SLC9B1: variants seen among roughly 807,000 people sequenced by gnomAD.
SLC9B1 encodes the protein solute carrier family 9 member B1.
In SLC9B1, 32 loss-of-function variants were observed where a neutral mutation model predicts 51.7. The ratio of observed to expected loss-of-function variants is 0.62; its 90% CI spans 0.47 to 0.83. The LOEUF (loss-of-function observed/expected upper bound fraction) is 0.83. SLC9B1 is among the 40% of genes least tolerant of loss of function. SLC9B1 has a pLI of 0.00. For missense variants in SLC9B1, 406 were observed against 613.2 expected (o/e 0.66, Z 3.57); for synonymous variants, 145 against 212.7 (o/e 0.68, Z 2.77).
intron 7 of SLC9B1, among the ~76,000 whole-genome samples, chr4:102,917,698 C>A (rs1206477105): frequency 6.6e-6 from 1 of 151,988 alleles, no homozygotes; most frequent in East Asian, 1.9e-4. Flanking sequence ...CTAAAATAAG[C>A]AACTTAGCTT....
intron 11 of SLC9B1, among the ~76,000 whole-genome samples, chr4:102,885,825 G>A (rs1228142646): frequency 1.3e-5 from 2 of 152,166 alleles, no homozygotes; most frequent in African/African-American, 4.8e-5. Flanking sequence ...AATCTTCAGG[G>A]TTTGTTTTAA....
chr4:103,005,995 G>A (rs1043110114), intron 1 of SLC9B1, among the ~76,000 whole-genome samples: 3 of 151,992 alleles, frequency 2.0e-5, no homozygotes, highest in African/African-American at 7.2e-5. Context: ...ATAAAAGTTA[G>A]AAAGATCTCA....
At chr4:102,933,654 G>T (rs1417583501) in intron 6 of SLC9B1, among the ~76,000 whole-genome samples, 2 of 152,148 alleles carry the variant, frequency 1.3e-5, no homozygotes, top group Admixed American at 6.5e-5. Flanking sequence ...TGTAGCTATT[G>T]CAGGCTTCAG....
intron 1 of SLC9B1, among the ~76,000 whole-genome samples, chr4:103,004,138 A>T (rs946701664): frequency 6.6e-6 from 1 of 152,176 alleles, no homozygotes; most frequent in Non-Finnish European, 1.5e-5. Flanking sequence ...ATAGAAATGA[A>T]CATTGACATT....
At chr4:102,948,366 A>ACACACACACG (rs1385767208) in intron 4 of SLC9B1, among the ~76,000 whole-genome samples, 5 of 150,372 alleles carry the variant, frequency 3.3e-5, no homozygotes, top group African/African-American at 1.2e-4. Context: ...ACACACACAC[A>ACACACACACG]CTACTGGTCA....
At chr4:103,006,933 C>T (rs1353279197) in intron 1 of SLC9B1, among the ~76,000 whole-genome samples, 1 of 152,152 alleles carries the variant, frequency 6.6e-6, no homozygotes, top group African/African-American at 2.4e-5. Context: ...TTCAGCATAA[C>T]TTCATGTTAA....
chr4:102,981,364 A>G (rs1290794996), intron 3 of SLC9B1, among the ~76,000 whole-genome samples: 2 of 152,140 alleles, frequency 1.3e-5, no homozygotes, highest in Non-Finnish European at 2.9e-5. Flanking sequence ...ATTTGGGTAA[A>G]TATCAAGGAG....
At chr4:102,994,605 T>G (rs898364602) in intron 1 of SLC9B1, among the ~76,000 whole-genome samples, 10 of 152,178 alleles carry the variant, frequency 6.6e-5, no homozygotes, top group Non-Finnish European at 1.3e-4. Context: ...CAGTTTACAT[T>G]AGTCCTTTTT....
chr4:102,946,853 T>C, intron 4 of SLC9B1, 64 bp from the exon 5 acceptor site: 1 of 1,449,758 alleles, frequency 6.9e-7, no homozygotes, highest in Non-Finnish European at 9.2e-7. Flanking sequence ...ACGGAAATGT[T>C]TACTTTCTTT....
chr4:103,003,387 C>A (rs915761341), intron 1 of SLC9B1, among the ~76,000 whole-genome samples: 1 of 151,728 alleles, frequency 6.6e-6, no homozygotes, highest in Non-Finnish European at 1.5e-5. Context: ...GTGTAATGAA[C>A]CCTGTAACTC....
intron 3 of SLC9B1, among the ~76,000 whole-genome samples, chr4:102,951,778 T>G (rs1298540754): frequency 6.6e-6 from 1 of 151,692 alleles, no homozygotes; most frequent in Non-Finnish European, 1.5e-5. Flanking sequence ...AGAAACATAA[T>G]TGAAAGAATG....
At chr4:102,902,421 A>G (rs1734832910) in intron 11 of SLC9B1, among the ~76,000 whole-genome samples, 1 of 152,108 alleles carries the variant, frequency 6.6e-6, no homozygotes, top group Non-Finnish European at 1.5e-5. Flanking sequence ...AACGTGAGCC[A>G]GTGTGCTGGA....
chr4:102,995,501 T>A (rs1212542760), intron 1 of SLC9B1, among the ~76,000 whole-genome samples: 1 of 152,138 alleles, frequency 6.6e-6, no homozygotes, highest in Non-Finnish European at 1.5e-5. Context: ...ATAGCAGGGC[T>A]TGGAACCCAG....
At chr4:102,897,445 A>G (rs1734593609), downstream of SLC9B1, 1 of 180,820 alleles carries the variant, frequency 5.5e-6, no homozygotes, top group South Asian at 1.2e-4. Context: ...CCATGGGAAG[A>G]AGAGCAATGA....
intron 1 of SLC9B1, among the ~76,000 whole-genome samples, chr4:102,993,074 T>G (rs904676864): frequency 1.4e-4 from 18 of 124,180 alleles, no homozygotes; most frequent in Non-Finnish European, 2.7e-4. Flanking sequence ...CAGAGACAAA[T>G]CATATCATTC....
chr4:102,907,361 C>T (rs1195872368), intron 9 of SLC9B1, among the ~76,000 whole-genome samples: 2 of 152,176 alleles, frequency 1.3e-5, no homozygotes, highest in African/African-American at 4.8e-5. Context: ...AACAACCATC[C>T]TGGAACTCAA....
chr4:102,942,370 A>C (rs1469692629), intron 6 of SLC9B1, among the ~76,000 whole-genome samples: 1 of 152,208 alleles, frequency 6.6e-6, no homozygotes, highest in African/African-American at 2.4e-5. Flanking sequence ...GCATAACCAA[A>C]GCAAGACTAA....
intron 6 of SLC9B1, among the ~76,000 whole-genome samples, chr4:102,939,041 T>C (rs945087259): frequency 1.3e-5 from 2 of 150,432 alleles, no homozygotes; most frequent in African/African-American, 4.9e-5. Context: ...CAGAATGGAA[T>C]GAAATTGAGT....
intron 1 of SLC9B1, among the ~76,000 whole-genome samples, chr4:103,015,807 T>C (rs551449839): frequency 1.3e-5 from 2 of 152,264 alleles, no homozygotes; most frequent in East Asian, 3.9e-4. Context: ...TCTCTACCCA[T>C]ACTTGCTGTC....
Sources: allele counts gnomAD v4.1 joint callset (sites outside exome capture counted in the v4.1 genomes callset), GRCh38; gene constraint gnomAD v4.1.1; transcripts MANE v1.5; gene names NCBI Gene and HGNC (gene_info 2026-07-23, HGNC 2026-07-21).